Variants in LMAN1L observed in about 807,000 individuals in gnomAD.
LMAN1L encodes protein ERGIC-53-like.
Under a neutral mutation model 58.3 loss-of-function variants are expected in LMAN1L, and 60 were observed. That is an observed-to-expected ratio of 1.03 (90% CI 0.84 to 1.27). The LOEUF is 1.27. Among genes scored for constraint, LMAN1L ranks in the 50% most tolerant of loss-of-function variants. LMAN1L has a pLI of 0.00. For missense variants in LMAN1L, 629 were observed against 674.0 expected (o/e 0.93, Z 0.74); for synonymous variants, 280 against 271.6 (o/e 1.03, Z -0.31).
At chr15:74,823,781 T>A in intron 12 of LMAN1L, 99 bp downstream of exon 12, 5 of 1,415,782 alleles carry the variant, frequency 3.5e-6, no homozygotes, top group Non-Finnish European at 4.8e-6. Context: ...CCCTCCTGCC[T>A]TTGCCCTCCC....
intron 7 of LMAN1L, 154 bp downstream of exon 7, chr15:74,820,253 C>T: frequency 1.4e-6 from 1 of 728,828 alleles, no homozygotes; most frequent in East Asian, 2.6e-5. Context: ...GTGCTGCGGG[C>T]CAGGGCCGGT....
chr15:74,822,052 G>A (rs1221961848), intron 10 of LMAN1L, 152 bp downstream of exon 10: 6 of 607,658 alleles, frequency 9.9e-6, no homozygotes, highest in Admixed American at 2.9e-5. Flanking sequence ...GCTTGGCATG[G>A]TGGCTCACGC....
intron 3 of LMAN1L, 39 bp from the exon 4 acceptor site, chr15:74,816,593 C>T (rs2063892218): frequency 6.2e-7 from 1 of 1,602,422 alleles, no homozygotes; most frequent in African/African-American, 1.3e-5. Flanking sequence ...CCCCCTCCCG[C>T]CATGTCCGCG....
At chr15:74,815,902 T>G (rs553105651) in intron 1 of LMAN1L, among the ~76,000 whole-genome samples, 29 of 152,336 alleles carry the variant, frequency 1.9e-4, no homozygotes, top group African/African-American at 7.0e-4. Flanking sequence ...TGGGGTCTTA[T>G]AAAAACAGAC....
chr15:74,820,463 G>C, intron 7 of LMAN1L, 172 bp from the exon 8 acceptor site: 1 of 838,936 alleles, frequency 1.2e-6, no homozygotes, highest in Non-Finnish European at 2.0e-6. Context: ...GGCCACAGCA[G>C]GGAGGGAAGA....
chr15:74,824,339 T>G lies in LMAN1L; in HGVS notation c.1324-12T>G, dbSNP rs1369243907. ...AGAAGCTAAGCTAGGACCTTAGACTTTCCCCTTTCAGAAGGCAGCAGCCAA... is the reference window on the plus strand; with the variant it reads ...AGAAGCTAAGCTAGGACCTTAGACTGTCCCCTTTCAGAAGGCAGCAGCCAA... On this transcript the variant is annotated splice_polypyrimidine_tract_variant and intron_variant, in intron 12 of 13. Coordinates refer to ENST00000309664, the MANE Select transcript of LMAN1L (RefSeq NM_021819.3). 1.2e-6 allele frequency: 2 copies of G among 1,613,468 alleles called. 1 individual carries two copies. The highest frequency in any genetic ancestry group is 3.3e-5 in the Admixed American group (2 of 59,974).
In LMAN1L at chr15:74,819,226, C is replaced by T. The variant is rs771445730; in HGVS notation, c.672C>T (p.Val224=). 6.2e-7 allele frequency: 1 copy of T among 1,614,066 alleles called. No individual in the cohort carries two copies. Among genetic ancestry groups the T allele is most frequent in the Non-Finnish European group, 8.5e-7 (1 of 1,180,020 alleles). The change falls in exon 6 of 14, where the codon GTC becomes GTT. Residue 224 remains valine, a synonymous_variant. Coordinates refer to ENST00000309664, the MANE Select transcript of LMAN1L (RefSeq NM_021819.3). ...FCVDVGPLLL[V]PGGFFGVSAA... is the part of the protein sequence containing the mutation. The stretch of plus-strand genomic sequence containing the variant: ...TGGATGTGGGGCCCCTGCTTTTGGT[C>T]CCTGGAGGTTTCTTTGGGGTCTCAG...
rs1458643817 is a variant in LMAN1L at position 74,824,603 on chromosome 15, AAG to A, written c.1451+128_1451+129del. ...GGACCTGCCGAGTCCCCAAATCACA[AAG>A]AGCACAGTGCGGGATAGGGCCCATT... On this transcript the variant is annotated intron_variant, in intron 13 of 13. Coordinates refer to ENST00000309664, the MANE Select transcript of LMAN1L (RefSeq NM_021819.3). The A allele has an allele frequency of 1.8e-5, 21 of 1,135,714 alleles. No homozygotes were observed. In the African/African-American group the frequency reaches 2.4e-4, roughly 13 times the overall value. The allele number at this position is 1,135,714 out of a possible 1,614,324, so 70.4% of individuals were successfully genotyped here.
In LMAN1L at chr15:74,821,226, G is replaced by A; in HGVS notation, c.1059G>A (p.Trp353Ter). Reference sequence around the variant, plus strand: ...GCCAAGCCAGGCCTGACGGAGGCTGGGTGAGAAGCCCTACAGGCATCCAAG... The same window carrying A: ...GCCAAGCCAGGCCTGACGGAGGCTGAGTGAGAAGCCCTACAGGCATCCAAG... ...PPGQARPDGG[W>*]ALDASCQIPS... Residue 353 changes from tryptophan to a stop codon, truncating the protein, a stop_gained and splice_region_variant, in exon 9 of 14, where the codon TGG becomes TGA. Coordinates refer to ENST00000309664, the MANE Select transcript of LMAN1L (RefSeq NM_021819.3). LOFTEE classifies it high-confidence loss of function. 1 of 1,548,982 alleles carries A rather than the reference G, an allele frequency of 6.5e-7. No individual in the cohort carries two copies. The highest frequency in any genetic ancestry group is 8.7e-7 in the Non-Finnish European group (1 of 1,146,894).
At chr15:74,823,130 T>C (rs925606259) in intron 11 of LMAN1L, among the ~76,000 whole-genome samples, 2 of 152,166 alleles carry the variant, frequency 1.3e-5, no homozygotes, top group Admixed American at 6.5e-5. Context: ...TATCCCACTC[T>C]AGGCCAGGCC....
intron 2 of LMAN1L, 57 bp from the exon 3 acceptor site, chr15:74,816,370 C>G: frequency 6.3e-7 from 1 of 1,598,276 alleles, no homozygotes; most frequent in Non-Finnish European, 8.5e-7. Context: ...GGGTGATGAG[C>G]CCCGGGGTCC....
At chr15:74,813,828 A>T (rs544148230) in intron 1 of LMAN1L, among the ~76,000 whole-genome samples, 1 of 152,202 alleles carries the variant, frequency 6.6e-6, no homozygotes, top group Non-Finnish European at 1.5e-5. Context: ...ATTTCTGTCT[A>T]TAAAATGTGA....
chr15:74,824,588 A>C, intron 13 of LMAN1L, 110 bp downstream of exon 13: 3 of 1,279,542 alleles, frequency 2.3e-6, no homozygotes, highest in Non-Finnish European at 2.2e-6. Context: ...GGACCTGCCG[A>C]GTCCCCAAAT....
Position 74,823,726 on chromosome 15 carries a change from G to A in LMAN1L, c.1323+44G>A, listed in dbSNP as rs75698720. On this transcript the variant is annotated intron_variant, in intron 12 of 13. Transcript: ENST00000309664. ...GCAGCATGGGGTCCCCAACCTTGAC[G>A]TCTGGGCTCAGCCACCCTTCTTCCA... The A allele has an allele frequency of 3.5e-3, 5,629 of 1,597,330 alleles. 169 individuals are homozygous for A. The African/African-American group carries it at 0.066, about 19-fold the overall frequency.
intron 1 of LMAN1L, chr15:74,813,402 C>T (rs759637808): frequency 4.1e-5 from 19 of 464,090 alleles, no homozygotes; most frequent in Non-Finnish European, 7.3e-5. Context: ...AACCTCCACT[C>T]TCCCGGCTCC....
chr15:74,822,960 C>A (rs2063923874), intron 11 of LMAN1L, among the ~76,000 whole-genome samples: 1 of 152,236 alleles, frequency 6.6e-6, no homozygotes, highest in African/African-American at 2.4e-5. Flanking sequence ...CAGACACTCC[C>A]ACCCTCAGGA....
At chr15:74,816,777 C>T in intron 4 of LMAN1L, 87 bp downstream of exon 4, 1 of 1,316,672 alleles carries the variant, frequency 7.6e-7, no homozygotes. Flanking sequence ...GCCCCAGCCT[C>T]CTCCAGCAGG....
At position 74,821,141 on chromosome 15, in the gene LMAN1L, G is replaced by C. The variant is rs745937876; in HGVS notation, c.974G>C (p.Gly325Ala). 2 of 1,558,428 alleles carry C rather than the reference G, an allele frequency of 1.3e-6. No individual in the cohort carries two copies. The highest frequency in any genetic ancestry group is 1.2e-5 in the South Asian group (1 of 84,596). Residue 325 changes from glycine to alanine, a missense_variant, in exon 9 of 14, where the codon GGT becomes GCT. Gly to Ala is a moderately conservative substitution (Grantham distance 60). Transcript: ENST00000309664. ...RHRRILQALRGLSKQLAQAER... is the reference protein window; with the variant it reads ...RHRRILQALRALSKQLAQAER... ...CGCCGGATCCTGCAGGCTCTGCGGG[G>C]TCTCTCCAAGCAGCTGGCCCAGGCT...
intron 1 of LMAN1L, among the ~76,000 whole-genome samples, chr15:74,815,536 C>G (rs925815243): frequency 1.3e-5 from 2 of 152,208 alleles, no homozygotes; most frequent in East Asian, 3.8e-4. Context: ...ATTCTTTCAT[C>G]GCAGTCCTGT....
Sources: gnomAD v4.1 joint callset for allele counts (sites outside exome capture counted in the v4.1 genomes callset) on GRCh38, gnomAD v4.1.1 for gene constraint, MANE v1.5 for transcripts, NCBI Gene and HGNC (gene_info 2026-07-23, HGNC 2026-07-21) for gene names.